Variants in EYS observed in about 807,000 individuals in gnomAD.
The protein encoded by EYS is EGF-like photoreceptor maintenance factor, also known as protein eyes shut homolog.
EYS carries 250 observed loss-of-function variants against 282.1 expected under a neutral mutation model. That is an observed-to-expected ratio of 0.89 (90% CI 0.80 to 0.98). The LOEUF is 0.98. Among genes scored for constraint, EYS ranks in the 50% least tolerant of loss-of-function variants. EYS has a pLI of 0.00. For missense variants in EYS, 4,016 were observed against 3,709.0 expected, an observed-to-expected ratio of 1.08 and a Z score of -2.15; for synonymous variants, 1,355 against 1,282.9, an observed-to-expected ratio of 1.06 and a Z score of -1.20.
At position 64,878,600 on chromosome 6, in the gene EYS, TTC is replaced by T. The variant is rs144444117; in HGVS notation, c.2992+8095_2992+8096del. On this transcript the variant is annotated intron_variant, in intron 19 of 42. Transcript: ENST00000503581. Reference sequence around the variant, plus strand: ...ATCAAGGTAAGAACATTCATTCTCATTCTCTCTCTCTCTCTCTCCCTCCCCCC... The same window carrying T: ...ATCAAGGTAAGAACATTCATTCTCATTCTCTCTCTCTCTCTCCCTCCCCCC... Among the ~76,000 whole-genome samples the T allele has an allele frequency of 3.7e-4, 56 of 149,948 alleles. 1 individual carries two copies. Among genetic ancestry groups the T allele is most frequent in the Non-Finnish European group, 4.2e-4 (28 of 67,166 alleles).
chr6:63,995,006 A>G (rs534267915), intron 34 of EYS, among the ~76,000 whole-genome samples: 8 of 152,120 alleles, frequency 5.3e-5, no homozygotes, highest in African/African-American at 1.9e-4. Context: ...CAGGCAACAA[A>G]AGCAAAAATA....
At chr6:64,988,571 C>T in intron 14 of EYS, among the ~76,000 whole-genome samples, 1 of 151,464 alleles carries the variant, frequency 6.6e-6, no homozygotes, top group East Asian at 1.9e-4. Flanking sequence ...CTCCCTCTTT[C>T]TCTCTCTGTC....
intron 35 of EYS, among the ~76,000 whole-genome samples, chr6:63,869,836 T>C (rs748771244): frequency 2.3e-4 from 35 of 152,126 alleles, no homozygotes; most frequent in Non-Finnish European, 4.1e-4. Flanking sequence ...TAGGGTATTG[T>C]GGGTGAAAAA....
chr6:64,687,494 T>C (rs982803881), intron 22 of EYS, among the ~76,000 whole-genome samples: 5 of 152,172 alleles, frequency 3.3e-5, no homozygotes, highest in Non-Finnish European at 5.9e-5. Flanking sequence ...GTTTTTGTCA[T>C]TGGTTCTATT....
At chr6:65,182,973 T>C (rs1581991997) in intron 12 of EYS, among the ~76,000 whole-genome samples, 1 of 151,846 alleles carries the variant, frequency 6.6e-6, no homozygotes, top group South Asian at 2.1e-4. Context: ...TATTTTTTTG[T>C]AGAGACAGGA....
intron 2 of EYS, among the ~76,000 whole-genome samples, chr6:65,513,818 A>G (rs1018569445): frequency 6.6e-6 from 1 of 150,932 alleles, no homozygotes; most frequent in Admixed American, 6.6e-5. Context: ...TCTATGACAA[A>G]CCCACAGCCG....
At chr6:65,315,312 T>C (rs1301982829) in intron 11 of EYS, among the ~76,000 whole-genome samples, 2 of 152,310 alleles carry the variant, frequency 1.3e-5, no homozygotes, top group East Asian at 3.9e-4. Flanking sequence ...TTAAGATACA[T>C]AGAGAATACT....
intron 12 of EYS, among the ~76,000 whole-genome samples, chr6:65,281,732 G>A (rs989822731): frequency 2.0e-5 from 3 of 152,062 alleles, no homozygotes; most frequent in African/African-American, 7.2e-5. Flanking sequence ...AATAGGTATG[G>A]ATTGAATACT....
At chr6:65,009,652 C>T (rs1771803499) in intron 13 of EYS, among the ~76,000 whole-genome samples, 1 of 152,206 alleles carries the variant, frequency 6.6e-6, no homozygotes, top group Non-Finnish European at 1.5e-5. Flanking sequence ...TACCTGGACA[C>T]TCTTGTCCTT....
At position 65,033,085 on chromosome 6, in the gene EYS, A is replaced by G. The variant is rs570439460; in HGVS notation, c.2137+24529T>C. ...CTGTGGAGGTATGAAATCAAGAGTG[A>G]TAATTTAGAATACCTGGCAGAGGAA... On this transcript the variant is annotated intron_variant, in intron 13 of 42. Transcript: ENST00000503581. Among the ~76,000 whole-genome samples, 4 of 152,278 alleles carry G rather than the reference A, an allele frequency of 2.6e-5. No homozygotes were observed. The East Asian group carries it at 7.7e-4, about 29-fold the overall frequency.
chr6:64,358,460 C>A (rs1417228207), intron 29 of EYS, among the ~76,000 whole-genome samples: 2 of 151,604 alleles, frequency 1.3e-5, no homozygotes, highest in Non-Finnish European at 3.0e-5. Context: ...GGAGTGTGGT[C>A]TGAGTAGCTT....
At chr6:64,420,444 T>A (rs1037439262) in intron 28 of EYS, among the ~76,000 whole-genome samples, 22 of 151,900 alleles carry the variant, frequency 1.4e-4, no homozygotes, top group African/African-American at 5.3e-4. Context: ...CTTATGCAAA[T>A]TTCTGTAGCA....
intron 1 of EYS, among the ~76,000 whole-genome samples, chr6:65,668,455 A>C (rs1323950935): frequency 6.6e-6 from 1 of 151,824 alleles, no homozygotes; most frequent in Non-Finnish European, 1.5e-5. Flanking sequence ...TTATTGAATC[A>C]CAGCCACACC....
chr6:64,484,777 A>G (rs1429032775), intron 26 of EYS, among the ~76,000 whole-genome samples: 1 of 151,566 alleles, frequency 6.6e-6, no homozygotes, highest in Admixed American at 6.6e-5. Context: ...CCTTGTCCTC[A>G]GGATTAAGGG....
rs372016429 is a variant in EYS, at chr6:64,943,619, C to CACACCAA, written c.2381+2173_2381+2174insTTGGTGT. ...ACACCAAAAACAAAAAACAAACAAA[C>CACACCAA]AAACAAAAAAGCAAGGAATACATCT... On this transcript the variant is annotated intron_variant, in intron 15 of 42. Transcript: ENST00000503581. Among the ~76,000 whole-genome samples the CACACCAA allele has an allele frequency of 8.5e-3, 1,285 of 151,886 alleles. 19 individuals carry two copies. Among genetic ancestry groups the CACACCAA allele is most frequent in the African/African-American group, 0.029 (1,198 of 41,456 alleles).
chr6:63,845,850 C>T (rs1370116895), intron 36 of EYS, among the ~76,000 whole-genome samples: 1 of 152,140 alleles, frequency 6.6e-6, no homozygotes, highest in African/African-American at 2.4e-5. Flanking sequence ...CTTTAACTTG[C>T]AGGATGGGAA....
At chr6:64,326,674 C>G (rs1450875778) in intron 29 of EYS, among the ~76,000 whole-genome samples, 2 of 152,094 alleles carry the variant, frequency 1.3e-5, no homozygotes, top group East Asian at 3.9e-4. Flanking sequence ...TACCTGTGGA[C>G]TACAGCTCCA....
At chr6:64,285,237 C>G (rs538117538) in intron 30 of EYS, among the ~76,000 whole-genome samples, 1 of 147,922 alleles carries the variant, frequency 6.8e-6, no homozygotes, top group Non-Finnish European at 1.5e-5. Flanking sequence ...GAATGCTTTA[C>G]CACTTAGAAA....
intron 2 of EYS, among the ~76,000 whole-genome samples, chr6:65,517,634 T>C (rs1767192628): frequency 6.6e-6 from 1 of 152,020 alleles, no homozygotes; most frequent in Admixed American, 6.6e-5. Context: ...AAACTAACAT[T>C]TTAAAGTAAA....
Sources: gnomAD v4.1 joint callset for allele counts (sites outside exome capture counted in the v4.1 genomes callset) on GRCh38, gnomAD v4.1.1 for gene constraint, MANE v1.5 for transcripts, NCBI Gene and HGNC (gene_info 2026-07-23, HGNC 2026-07-21) for gene names.